FAM234A: variants seen among roughly 807,000 people sequenced by gnomAD.
FAM234A encodes the protein protein FAM234A.
In FAM234A, 42 loss-of-function variants were observed where a neutral mutation model predicts 49.1. The ratio of observed to expected loss-of-function variants is 0.86; its 90% confidence interval spans 0.67 to 1.11. The LOEUF is 1.11. Among genes scored for constraint, FAM234A ranks in the 50% least tolerant of loss-of-function variants. FAM234A has a pLI of 0.00. For missense variants in FAM234A, 815 were observed against 745.2 expected (o/e 1.09, Z -1.09); for synonymous variants, 369 against 316.2 (o/e 1.17, Z -1.77).
In FAM234A at chr16:265,412, G is replaced by C; in HGVS notation, c.*390G>C. ...TTCTCCCCAGGCCAGAGCGGCCATC[G>C]CGTAGAAAGAACCAGGGTGTCCCCG... On this transcript the variant is annotated 3_prime_UTR_variant, in exon 13 of 13. Transcript: ENST00000399932. 9.8e-7 allele frequency: 1 copy of C among 1,017,706 alleles called. No homozygotes were observed. The highest frequency in any genetic ancestry group is 4.4e-5 in the South Asian group (1 of 22,802). The allele number at this position is 1,017,706 out of a possible 1,614,324, so 63.0% of individuals were successfully genotyped here.
intron 2 of FAM234A, 92 bp downstream of exon 2, chr16:249,746 C>A (rs2050932269): frequency 6.6e-6 from 1 of 152,000 alleles, no homozygotes; most frequent in African/African-American, 2.4e-5. Context: ...GTAGTGCTTT[C>A]CTGCACGCTT....
chr16:262,666 GA>G, intron 8 of FAM234A, 113 bp downstream of exon 8: 1 of 1,140,000 alleles, frequency 8.8e-7, no homozygotes, highest in East Asian at 2.9e-5. Flanking sequence ...CACCGGCAGG[GA>G]GGTGCTCGGG....
intron 9 of FAM234A, 115 bp from the exon 10 acceptor site, chr16:263,584 GC>G: frequency 7.9e-7 from 1 of 1,266,652 alleles, no homozygotes. Context: ...CGTGTCCTGG[GC>G]CCTGGTCCAG....
chr16:266,910 T>C (rs934744224), downstream of FAM234A, among the ~76,000 whole-genome samples: 3 of 150,644 alleles, frequency 2.0e-5, no homozygotes, highest in African/African-American at 4.9e-5. Flanking sequence ...GGGCAGGGGG[T>C]CCCCAAAGGG....
rs577965772 is a variant in FAM234A at position 263,972 on chromosome 16, GGTAGCCCCCA to G, written c.1189-43_1189-34del. On this transcript the variant is annotated intron_variant, in intron 10 of 12. Transcript: ENST00000399932. Reference sequence around the variant, plus strand: ...CCTGTGCAAGCCTCGAGCTTTTCCCGGTAGCCCCCACGTTGGCCCCCACAGTGTCCCCTCC... The same window carrying G: ...CCTGTGCAAGCCTCGAGCTTTTCCCGCGTTGGCCCCCACAGTGTCCCCTCC... 1.7e-4 allele frequency: 276 copies of G among 1,586,380 alleles called. No homozygotes were observed. In the African/African-American group the frequency reaches 3.3e-3, roughly 19 times the overall value.
In FAM234A at chr16:262,137, C is replaced by T; in HGVS notation, c.753C>T (p.Gly251=). The T allele has an allele frequency of 4.3e-6, 7 of 1,614,090 alleles. No homozygotes were observed. Among genetic ancestry groups the T allele is most frequent in the Non-Finnish European group, 5.9e-6 (7 of 1,180,038 alleles). The change falls in exon 7 of 13, where the codon GGC becomes GGT. Residue 251 remains glycine (G), a synonymous_variant. Transcript: ENST00000399932. ...CCGGCAGCACCGGGCACCAGATTGG[C>T]CTCAGAGGCAGCCTTGGTGTGGACG... The part of the protein sequence containing the change: ...LYSGSTGHQI[G]LRGSLGVDGE...
chr16:240,565 C>T (rs796421423), intron 1 of FAM234A, among the ~76,000 whole-genome samples: 3 of 150,292 alleles, frequency 2.0e-5, no homozygotes, highest in African/African-American at 4.9e-5. Context: ...TACAATGGTG[C>T]GATCTCAGCT....
In FAM234A at chr16:264,629, C is replaced by T. The variant is rs754703794; in HGVS notation, c.1360C>T (p.Arg454Trp). 25 of 1,610,710 alleles carry T rather than the reference C, an allele frequency of 1.6e-5. No homozygotes were observed. The highest frequency in any genetic ancestry group is 1.9e-5 in the Non-Finnish European group (22 of 1,179,648). ...CTCGCTCCAGGAGACCGGGGAGGCC[C>T]GGCACAGCCTGTACATGTTCCACCC... ...STSETETGEA[R>W]HSLYMFHPTL... is the part of the protein sequence containing the mutation. Residue 454 changes from arginine to tryptophan, a missense_variant, in exon 12 of 13, where the codon CGG becomes TGG. Arg to Trp is a moderately radical substitution (Grantham distance 101). Coordinates refer to ENST00000399932, the MANE Select transcript of FAM234A (RefSeq NM_032039.4).
intron 1 of FAM234A, among the ~76,000 whole-genome samples, chr16:238,008 TTATTTA>T (rs1411341663): frequency 1.7e-5 from 1 of 60,458 alleles, no homozygotes; most frequent in Non-Finnish European, 3.2e-5. Flanking sequence ...CTGGCCTATG[TTATTTA>T]TTTTTATTTA....
In FAM234A at chr16:250,566, A is replaced by T. The variant is rs150503017; in HGVS notation, c.-34+912A>T. On this transcript the variant is annotated intron_variant, in intron 2 of 12. Coordinates refer to ENST00000399932, the MANE Select transcript of FAM234A (RefSeq NM_032039.4). ...TGTTAAAACTTAAGCCTCAGCACCT[A>T]GGAGAATGCACACATTTTTTCTTAT... is the stretch of plus-strand genomic sequence containing the variant. 1.6e-3 allele frequency among the ~76,000 whole-genome samples: 238 copies of T among 152,314 alleles called. 1 individual carries two copies. Among genetic ancestry groups the T allele is most frequent in the African/African-American group, 5.5e-3 (230 of 41,570 alleles).
chr16:262,743 A>G (rs977587429), intron 8 of FAM234A, among the ~76,000 whole-genome samples, 190 bp downstream of exon 8: 1 of 152,038 alleles, frequency 6.6e-6, no homozygotes, highest in African/African-American at 2.4e-5. Context: ...TAAAGAGAAG[A>G]AAGGTTCCCG....
intron 2 of FAM234A, among the ~76,000 whole-genome samples, chr16:251,031 A>G (rs1177553287): frequency 6.6e-6 from 1 of 152,068 alleles, no homozygotes; most frequent in Non-Finnish European, 1.5e-5. Context: ...ATCTTGGCTC[A>G]CTGCAACTTC....
At chr16:263,227 G>C in intron 8 of FAM234A, 35 bp from the exon 9 acceptor site, 1 of 1,602,636 alleles carries the variant, frequency 6.2e-7, no homozygotes, top group Non-Finnish European at 8.5e-7. Flanking sequence ...CCGCCCCGGG[G>C]ACCCGGCGCC....
At chr16:242,867 C>T (rs1449696145) in intron 1 of FAM234A, among the ~76,000 whole-genome samples, 1 of 152,204 alleles carries the variant, frequency 6.6e-6, no homozygotes, top group Non-Finnish European at 1.5e-5. Flanking sequence ...CCACCTCAGC[C>T]TCCCAAAGTG....
At chr16:255,998 T>A (rs912481743) in intron 3 of FAM234A, among the ~76,000 whole-genome samples, 47 of 152,240 alleles carry the variant, frequency 3.1e-4, no homozygotes, top group African/African-American at 1.1e-3. Flanking sequence ...TCATACAGTA[T>A]GTAAGTGAAG....
Position 263,699 on chromosome 16 carries a change from GA to G in FAM234A, c.1116del (p.Lys372AsnfsTer14). On this transcript the variant is annotated frameshift_variant and splice_region_variant, in exon 10 of 13. Coordinates refer to ENST00000399932, the MANE Select transcript of FAM234A (RefSeq NM_032039.4). LOFTEE classifies it high-confidence loss of function. ...RWTPKAAHVL[R>X]KPIFGRYKPD... ...TGAGCGCTTCCTCCATATTGTTCCA[GA>G]AAACCCATCTTCGGCCGCTACAAAC... is the stretch of plus-strand genomic sequence containing the variant. 1 of 1,613,258 alleles carries G rather than the reference GA, an allele frequency of 6.2e-7. No individual in the cohort carries two copies. Among genetic ancestry groups the G allele is most frequent in the Middle Eastern group, 1.6e-4 (1 of 6,062 alleles).
intron 3 of FAM234A, among the ~76,000 whole-genome samples, chr16:258,783 T>TTTTTTG (rs1454730344): frequency 2.0e-5 from 3 of 152,102 alleles, no homozygotes; most frequent in Non-Finnish European, 4.4e-5. Flanking sequence ...CCCGGCCTAT[T>TTTTTTG]TTTTTGTTTT....
Position 262,128 on chromosome 16 carries a change from C to T in FAM234A, c.744C>T (p.His248=). Residue 248 remains histidine (H), a synonymous_variant, in exon 7 of 13, where the codon CAC becomes CAT. Coordinates refer to ENST00000399932, the MANE Select transcript of FAM234A (RefSeq NM_032039.4). The part of the protein sequence containing the change: ...SGHLYSGSTG[H]QIGLRGSLGV... ...ACCTCTACTCCGGCAGCACCGGGCA[C>T]CAGATTGGCCTCAGAGGCAGCCTTG... 1 of 1,614,080 alleles carries T rather than the reference C, an allele frequency of 6.2e-7. No individual in the cohort carries two copies.
chr16:260,508 C>A, intron 5 of FAM234A: 1 of 490,942 alleles, frequency 2.0e-6, no homozygotes, highest in Non-Finnish European at 4.1e-6. Flanking sequence ...GTGCCCAGGG[C>A]GAGCCCAGAA....
Sources: gnomAD v4.1 joint callset for allele counts (sites outside exome capture counted in the v4.1 genomes callset) on GRCh38, gnomAD v4.1.1 for gene constraint, MANE v1.5 for transcripts, NCBI Gene and HGNC (gene_info 2026-07-23, HGNC 2026-07-21) for gene names.